PLVAP: variants seen among roughly 807,000 people sequenced by gnomAD.
PLVAP encodes plasmalemma vesicle-associated protein.
A neutral mutation model predicts 43.1 loss-of-function variants in PLVAP; 34 were observed. The ratio of observed to expected loss-of-function variants is 0.79; its 90% confidence interval spans 0.60 to 1.05. The LOEUF (loss-of-function observed/expected upper bound fraction) is 1.05. Ranked by LOEUF, PLVAP falls within the 50% of genes least tolerant of loss-of-function variation. The pLI is 0.00. For synonymous variants in PLVAP, 241 were observed against 237.3 expected, an observed-to-expected ratio of 1.02 and a Z score of -0.14; for missense variants, 574 against 593.4, an observed-to-expected ratio of 0.97 and a Z score of 0.34.
chr19:17,368,940 T>G (rs772907889), intron 1 of PLVAP, among the ~76,000 whole-genome samples: 1 of 151,824 alleles, frequency 6.6e-6, no homozygotes, highest in African/African-American at 2.4e-5. Context: ...ATCGCGTCTC[T>G]GCACTCCAGT....
chr19:17,351,953 AT>A lies in PLVAP; in HGVS notation c.*408del, dbSNP rs2074487174. On this transcript the variant is annotated 3_prime_UTR_variant, in exon 6 of 6. Transcript: ENST00000252590. ...ATCGCCGCGTCTGTGTGACATTAAT[AT>A]GTGTGACGTCGACATGGCCCGTGAC... 1 of 260,532 alleles carries A rather than the reference AT, an allele frequency of 3.8e-6. No homozygotes were observed. The highest frequency in any genetic ancestry group is 7.9e-5 in the East Asian group (1 of 12,706). The allele number at this position is 260,532 out of a possible 1,614,324, so 16.1% of individuals were successfully genotyped here.
At chr19:17,359,812 C>G (rs761300487) in intron 5 of PLVAP, among the ~76,000 whole-genome samples, 1 of 151,556 alleles carries the variant, frequency 6.6e-6, no homozygotes, top group Non-Finnish European at 1.5e-5. Flanking sequence ...CCTGCCTCAG[C>G]CTCCTGAGTA....
rs2074488687 is a variant in PLVAP, at chr19:17,352,207, G to A, written c.*155C>T. On this transcript the variant is annotated 3_prime_UTR_variant, in exon 6 of 6. Coordinates refer to ENST00000252590, the MANE Select transcript of PLVAP (RefSeq NM_031310.3). ...GAGGCGCGGGTGCGGGTGTGAGAGG[G>A]TACTAGGGGTTTGCATGCAGGGAGT... is the stretch of plus-strand genomic sequence containing the variant. 2.0e-6 allele frequency: 2 copies of A among 998,970 alleles called. No homozygotes were observed. The highest frequency in any genetic ancestry group is 3.0e-6 in the Non-Finnish European group (2 of 676,166). The allele number at this position is 998,970 out of a possible 1,614,324, so 61.9% of individuals were successfully genotyped here.
At chr19:17,366,820 G>A (rs1190814680) in intron 1 of PLVAP, among the ~76,000 whole-genome samples, 5 of 151,666 alleles carry the variant, frequency 3.3e-5, no homozygotes, top group African/African-American at 1.2e-4. Context: ...GTTTTTGGTA[G>A]AGACAGGGTT....
Position 17,352,079 on chromosome 19 carries a change from T to TCTACATGGCCACGTGACGC in PLVAP, c.*264_*282dup. On this transcript the variant is annotated 3_prime_UTR_variant, in exon 6 of 6. Transcript: ENST00000252590. ...GCCATCGCTATATCTCTTCGTGACG[T>TCTACATGGCCACGTGACGC]CTACATGGCCACGTGACGCCATCAC... 1.9e-6 allele frequency: 1 copy of TCTACATGGCCACGTGACGC among 517,668 alleles called. No individual in the cohort carries two copies. Among genetic ancestry groups the TCTACATGGCCACGTGACGC allele is most frequent in the Non-Finnish European group, 3.5e-6 (1 of 284,684 alleles). The allele number at this position is 517,668 out of a possible 1,614,324, so 32.1% of individuals were successfully genotyped here. A position where few individuals can be genotyped will look rare whatever the true frequency, so the allele number is the denominator to read the frequency against.
rs2145720240 is a variant in PLVAP at position 17,360,585 on chromosome 19, T to C, written c.1265A>G (p.Lys422Arg). 6.2e-7 allele frequency: 1 copy of C among 1,613,634 alleles called. No individual in the cohort carries two copies. The highest frequency in any genetic ancestry group is 2.2e-5 in the East Asian group (1 of 44,878). The change falls in exon 5 of 6, where the codon AAG becomes AGG. Residue 422 changes from lysine (K) to arginine (R), a missense_variant. Coordinates refer to ENST00000252590, the MANE Select transcript of PLVAP (RefSeq NM_031310.3). ...PIDPASLEEF[K>R]RKILESQRPP... ...CCTCTGGGACTCCAGGATCTTCCTCTTGAACTCCTCCAGGCTAGCTGGGTC... is the reference window on the plus strand; with the variant it reads ...CCTCTGGGACTCCAGGATCTTCCTCCTGAACTCCTCCAGGCTAGCTGGGTC...
chr19:17,356,444 A>G (rs879753230), intron 5 of PLVAP, among the ~76,000 whole-genome samples: 7 of 152,174 alleles, frequency 4.6e-5, no homozygotes, highest in African/African-American at 9.6e-5. Flanking sequence ...AGAGCAAGTT[A>G]ATACCAGCTA....
At position 17,352,358 on chromosome 19, in the gene PLVAP, C is replaced by T. The variant is rs761741057; in HGVS notation, c.*4G>A. The T allele has an allele frequency of 3.1e-6, 5 of 1,613,742 alleles. No homozygotes were observed. The East Asian group carries it at 1.1e-4, about 36-fold the overall frequency. On this transcript the variant is annotated 3_prime_UTR_variant, in exon 6 of 6. Transcript: ENST00000252590. ...ATCCCTTGGTCCTCAGGCCTGGAGC[C>T]TCCTCAGCCACTAGGGCAGGAAGGG...
At chr19:17,376,414 C>A (rs2074595413) in intron 1 of PLVAP, among the ~76,000 whole-genome samples, 2 of 151,748 alleles carry the variant, frequency 1.3e-5, no homozygotes, top group South Asian at 4.2e-4. Flanking sequence ...CACTTGAGTC[C>A]AGGAGATTGA....
chr19:17,365,606 C>G lies in PLVAP; in HGVS notation c.859G>C (p.Ala287Pro). The G allele has an allele frequency of 6.2e-7, 1 of 1,613,194 alleles. No individual in the cohort carries two copies. The highest frequency in any genetic ancestry group is 1.1e-5 in the South Asian group (1 of 91,086). Residue 287 changes from alanine to proline, a missense_variant, in exon 3 of 6, where the codon GCC becomes CCC. Physicochemically the swap from Ala to Pro is conservative, Grantham distance 27. Coordinates refer to ENST00000252590, the MANE Select transcript of PLVAP (RefSeq NM_031310.3). The stretch of plus-strand genomic sequence containing the variant: ...TCGATATCCGCCCGGAGGCTCCGGG[C>G]CAGCTCCTCCACCTTGGAGCTCATG... ...SLMSSKVEEL[A>P]RSLRADIERV...
chr19:17,365,415 C>T lies in PLVAP; in HGVS notation c.1050G>A (p.Glu350=). 2 of 1,613,310 alleles carry T rather than the reference C, an allele frequency of 1.2e-6. No homozygotes were observed. The highest frequency in any genetic ancestry group is 1.6e-4 in the Middle Eastern group (1 of 6,062). ...CSRQTQLALE[E]KAVLRKERDN... is the part of the protein sequence containing the mutation. The stretch of plus-strand genomic sequence containing the variant: ...CTCGTTCCTTCCGCAGCACCGCCTT[C>T]TCCTCCAGCGCTAGCTGGGTCTGCC... The change falls in exon 3 of 6, where the codon GAG becomes GAA. Residue 350 remains glutamate (E), a synonymous_variant. Coordinates refer to ENST00000252590, the MANE Select transcript of PLVAP (RefSeq NM_031310.3).
At chr19:17,370,608 A>G (rs2074568319) in intron 1 of PLVAP, among the ~76,000 whole-genome samples, 1 of 152,180 alleles carries the variant, frequency 6.6e-6, no homozygotes, top group Non-Finnish European at 1.5e-5. Flanking sequence ...TAGAGACAGG[A>G]AGCAGGTTGG....
chr19:17,366,286 G>T, intron 1 of PLVAP, 91 bp from the exon 2 acceptor site: 3 of 1,187,168 alleles, frequency 2.5e-6, no homozygotes, highest in Non-Finnish European at 3.7e-6. Flanking sequence ...CTGGTGGCCA[G>T]AGTGAGCTGA....
chr19:17,366,083 C>A lies in PLVAP; in HGVS notation c.466+16G>T. On this transcript the variant is annotated intron_variant, in intron 2 of 5. Coordinates refer to ENST00000252590, the MANE Select transcript of PLVAP (RefSeq NM_031310.3). Reference sequence around the variant, plus strand: ...GGGAGTCCACCACCCCGGCTCCCTGCAGCCTTAGCACTCACCATCGCAGCT... The same window carrying A: ...GGGAGTCCACCACCCCGGCTCCCTGAAGCCTTAGCACTCACCATCGCAGCT... 1.2e-6 allele frequency: 2 copies of A among 1,613,912 alleles called. No individual in the cohort carries two copies. The highest frequency in any genetic ancestry group is 1.7e-6 in the Non-Finnish European group (2 of 1,179,818).
rs534903523 is a variant in PLVAP, at chr19:17,374,623, CTTTT to C, written c.369+2293_369+2296del. 3.3e-3 allele frequency among the ~76,000 whole-genome samples: 504 copies of C among 151,782 alleles called. 1 individual carries two copies. Among genetic ancestry groups the C allele is most frequent in the Non-Finnish European group, 5.5e-3 (373 of 67,928 alleles). Reference sequence around the variant, plus strand: ...ACTGTGAACTTTTATTCAGTCCATCCTTTTTTTGTTTTTTTTTTTCCATTCAGGG... The same window carrying C: ...ACTGTGAACTTTTATTCAGTCCATCCTTTGTTTTTTTTTTTCCATTCAGGG... On this transcript the variant is annotated intron_variant, in intron 1 of 5. Coordinates refer to ENST00000252590, the MANE Select transcript of PLVAP (RefSeq NM_031310.3).
At chr19:17,365,249 C>T in intron 3 of PLVAP, 37 bp downstream of exon 3, 2 of 1,563,886 alleles carry the variant, frequency 1.3e-6, no homozygotes, top group South Asian at 1.2e-5. Flanking sequence ...CTGGACCTAA[C>T]TCCACTGCAG....
chr19:17,360,825 G>C lies in PLVAP; in HGVS notation c.1187C>G (p.Pro396Arg), dbSNP rs117691659. The part of the protein sequence containing the change: ...LDTCIKTKSQ[P>R]MMPVSRPMGP... ...CATGGGCCTTGACACTGGCATCATC[G>C]GCTGCGACTGTGAAAGAAAGATGGA... The change falls in exon 4 of 6, where the codon CCG (proline) becomes CGG (arginine). Residue 396 changes from proline to arginine, a missense_variant. Pro to Arg is a moderately radical substitution (Grantham distance 103). Transcript: ENST00000252590. 6.2e-7 allele frequency: 1 copy of C among 1,613,512 alleles called. No homozygotes were observed.
intron 1 of PLVAP, among the ~76,000 whole-genome samples, chr19:17,373,970 T>G (rs887191169): frequency 2.0e-5 from 3 of 152,068 alleles, no homozygotes; most frequent in Non-Finnish European, 2.9e-5. Flanking sequence ...GAGACCAGCC[T>G]GGCCAACATG....
At chr19:17,355,825 T>G (rs1297594702) in intron 5 of PLVAP, among the ~76,000 whole-genome samples, 1 of 152,028 alleles carries the variant, frequency 6.6e-6, no homozygotes, top group Non-Finnish European at 1.5e-5. Context: ...TGAGCCAACA[T>G]ACCCAGCCAT....
Sources: allele counts gnomAD v4.1 joint callset (sites outside exome capture counted in the v4.1 genomes callset), GRCh38; gene constraint gnomAD v4.1.1; transcripts MANE v1.5; gene names NCBI Gene and HGNC (gene_info 2026-07-23, HGNC 2026-07-21).